MUC5B: variants seen among roughly 807,000 people sequenced by gnomAD.
The protein encoded by MUC5B is mucin-5B.
In MUC5B, 116 loss-of-function variants were observed where a neutral mutation model predicts 376.9. That is an observed-to-expected ratio of 0.31 (90% CI 0.26 to 0.36). MUC5B has a LOEUF of 0.36. Ranked by LOEUF, MUC5B falls within the 10% of genes least tolerant of loss-of-function variation. The pLI, the probability that MUC5B is intolerant of heterozygous loss-of-function variation, is 1.00. For missense variants in MUC5B, 7,165 were observed against 7,769.9 expected, an observed-to-expected ratio of 0.92 and a Z score of 2.93; for synonymous variants, 3,517 against 3,390.9, an observed-to-expected ratio of 1.04 and a Z score of -1.29.
rs368492454 is a variant in MUC5B at position 1,247,048 on chromosome 11, C to T, written c.10168C>T (p.Leu3390=). 59 of 1,555,254 alleles carry T rather than the reference C, an allele frequency of 3.8e-5. No individual in the cohort carries two copies. The highest frequency in any genetic ancestry group is 5.2e-6 in the Non-Finnish European group (6 of 1,149,298). ...ACAGACCAGTGGTACTCCCCCATCA[C>T]TGACCACCACGGCCACTACGATCAC... ...STQTSGTPPS[L]TTTATTITAT... The change falls in exon 31 of 49, where the codon CTG becomes TTG. Residue 3390 remains leucine (L), a synonymous_variant. Coordinates refer to ENST00000529681, the MANE Select transcript of MUC5B (RefSeq NM_002458.3).
At position 1,246,011 on chromosome 11, in the gene MUC5B, G is replaced by T. The variant is rs1259291966; in HGVS notation, c.9131G>T (p.Ser3044Ile). Residue 3044 changes from serine to isoleucine, a missense_variant, in exon 31 of 49, where the codon AGT becomes ATT. By Grantham distance (142) the Ser-to-Ile change is moderately radical (BLOSUM62 -2). Coordinates refer to ENST00000529681, the MANE Select transcript of MUC5B (RefSeq NM_002458.3). ...AGTTCCAAAGCCACTTCCTCCTCCA[G>T]TCCAAGGACTGCAACCACCCTTCCA... The part of the protein sequence containing the change: ...ATSSKATSSS[S>I]PRTATTLPVL... 20 of 1,611,530 alleles carry T rather than the reference G, an allele frequency of 1.2e-5. No homozygotes were observed. The highest frequency in any genetic ancestry group is 3.3e-5 in the Admixed American group (2 of 59,788).
In MUC5B at chr11:1,253,071, CACAGTGGGGTGCAGTGGGGA is replaced by C; in HGVS notation, c.15217+93_15217+112del. The C allele has an allele frequency of 7.5e-7, 1 of 1,328,704 alleles. No individual in the cohort carries two copies. The highest frequency in any genetic ancestry group is 1.0e-6 in the Non-Finnish European group (1 of 968,184). The allele number at this position is 1,328,704 out of a possible 1,614,324, so 82.3% of individuals were successfully genotyped here. A position where few individuals can be genotyped will look rare whatever the true frequency, so the allele number is the denominator to read the frequency against. ...GCTGGCAGAATGGGGCATGGTGGGG[CACAGTGGGGTGCAGTGGGGA>C]ATGGTGGGGCATGGTGGGGCATGGT... On this transcript the variant is annotated intron_variant, in intron 33 of 48. Coordinates refer to ENST00000529681, the MANE Select transcript of MUC5B (RefSeq NM_002458.3). The surrounding 1 kb of genome is among the most constrained non-coding windows in gnomAD (Gnocchi z 4.3).
chr11:1,228,525 A>T lies in MUC5B; in HGVS notation c.775-39A>T, dbSNP rs764342459. 5.4e-6 allele frequency: 8 copies of T among 1,475,526 alleles called. No individual in the cohort carries two copies. In the South Asian group the frequency reaches 7.8e-5, roughly 14 times the overall value. The allele number at this position is 1,475,526 out of a possible 1,614,324, so 91.4% of individuals were successfully genotyped here. A position where few individuals can be genotyped will look rare whatever the true frequency, so the allele number is the denominator to read the frequency against. The stretch of plus-strand genomic sequence containing the variant: ...TCCAGCACCGTGGCAGCCCCCATGG[A>T]TGGCAGGGGTGCCCAGCCTGGCCCA... On this transcript the variant is annotated intron_variant, in intron 7 of 48. Coordinates refer to ENST00000529681, the MANE Select transcript of MUC5B (RefSeq NM_002458.3).
In MUC5B at chr11:1,241,921, A is replaced by G. The variant is rs372963254; in HGVS notation, c.5041A>G (p.Thr1681Ala). Residue 1681 changes from threonine (T) to alanine (A), a missense_variant, in exon 31 of 49, where the codon ACA (threonine) becomes GCA (alanine). By Grantham distance (58) the Thr-to-Ala change is moderately conservative. Transcript: ENST00000529681. ...TGGPTTPAGS[T>A]EPTVPGVATS... is the part of the protein sequence containing the mutation. Reference sequence around the variant, plus strand: ...AGGCCCCACGACGCCTGCAGGCTCCACAGAACCCACTGTCCCAGGGGTGGC... The same window carrying G: ...AGGCCCCACGACGCCTGCAGGCTCCGCAGAACCCACTGTCCCAGGGGTGGC... The G allele has an allele frequency of 2.1e-5, 33 of 1,609,628 alleles. No homozygotes were observed. In the African/African-American group the frequency reaches 2.8e-4, roughly 14 times the overall value.
chr11:1,259,581 C>T, intron 44 of MUC5B, 175 bp from the exon 45 acceptor site: 2 of 632,468 alleles, frequency 3.2e-6, no homozygotes, highest in Non-Finnish European at 5.5e-6. Flanking sequence ...GTGCTGGAAA[C>T]TGGGGTGAGG....
At chr11:1,227,423 C>A in intron 6 of MUC5B, 25 bp downstream of exon 6, 2 of 1,559,622 alleles carry the variant, frequency 1.3e-6, no homozygotes, top group Non-Finnish European at 8.8e-7. Context: ...GGTGAGGGGG[C>A]GGTGACCAAT....
intron 18 of MUC5B, 126 bp from the exon 19 acceptor site, chr11:1,233,667 C>CGTCT: frequency 1.1e-6 from 1 of 883,478 alleles, no homozygotes. Flanking sequence ...CAGCAGGCAC[C>CGTCT]GTCTGGCCTT....
At chr11:1,223,618 G>T (rs927926875) in intron 1 of MUC5B, among the ~76,000 whole-genome samples, 2 of 152,144 alleles carry the variant, frequency 1.3e-5, no homozygotes, top group African/African-American at 4.8e-5. Context: ...TACCCTTCAC[G>T]ACCTCCCTGG....
At chr11:1,224,439 A>G in intron 1 of MUC5B, among the ~76,000 whole-genome samples, 1 of 138,220 alleles carries the variant, frequency 7.2e-6, no homozygotes, top group East Asian at 2.4e-4. Context: ...AACCAAGGGC[A>G]GTCAGCCTGG....
In MUC5B at chr11:1,242,108, C is replaced by T. The variant is rs372252009; in HGVS notation, c.5228C>T (p.Thr1743Met). The T allele has an allele frequency of 3.4e-4, 544 of 1,613,212 alleles. 3 individuals are homozygous for T. The South Asian group carries it at 5.0e-3, about 15-fold the overall frequency. Reference sequence around the variant, plus strand: ...ACCGCTTCCAAAGAGCCGCTGACCACGAGCCTGGCGCCAACACTCACGAGC... The same window carrying T: ...ACCGCTTCCAAAGAGCCGCTGACCATGAGCCTGGCGCCAACACTCACGAGC... ...ASTASKEPLT[T>M]SLAPTLTSEL... The change falls in exon 31 of 49, where the codon ACG becomes ATG. Residue 1743 changes from threonine to methionine, a missense_variant. Physicochemically the swap from Thr to Met is moderately conservative, Grantham distance 81. Around this residue, in one of 31 missense-constraint regions of MUC5B, gnomAD observed 897 missense variants for 779.6 expected, o/e 1.15. Transcript: ENST00000529681.
At chr11:1,237,536 G>C (rs1269668397) in intron 25 of MUC5B, among the ~76,000 whole-genome samples, 1 of 152,196 alleles carries the variant, frequency 6.6e-6, no homozygotes, top group Non-Finnish European at 1.5e-5. Context: ...CGCTCAGCCA[G>C]GGAGGAATCA....
rs371989419 is a variant in MUC5B, at chr11:1,237,663, A to G, written c.3297+499A>G. Reference sequence around the variant, plus strand: ...GGCAGGTGGATCACCTGAGGTCAGGAGTTTGAGACCAGCCTGGTCAACATG... The same window carrying G: ...GGCAGGTGGATCACCTGAGGTCAGGGGTTTGAGACCAGCCTGGTCAACATG... On this transcript the variant is annotated intron_variant, in intron 25 of 48. Coordinates refer to ENST00000529681, the MANE Select transcript of MUC5B (RefSeq NM_002458.3). 4.5e-4 allele frequency among the ~76,000 whole-genome samples: 69 copies of G among 152,312 alleles called. 2 individuals are homozygous for G. In the South Asian group the frequency reaches 0.014, roughly 31 times the overall value.
chr11:1,225,759 TG>T (rs1386544744), intron 2 of MUC5B, 22 bp downstream of exon 2: 3 of 1,564,530 alleles, frequency 1.9e-6, no homozygotes, highest in Non-Finnish European at 1.7e-6. Context: ...GGTTCGGGGG[TG>T]GGGGGTTCCT....
In MUC5B at chr11:1,241,165, T is replaced by C. The variant is rs1345655410; in HGVS notation, c.4285T>C (p.Tyr1429His). The C allele has an allele frequency of 1.9e-6, 3 of 1,603,428 alleles. No individual in the cohort carries two copies. In the East Asian group the frequency reaches 6.8e-5, roughly 36 times the overall value. ...CGAGCTGCGGGTTCTCTGCTGCGAA[T>C]ACGTGCCCTGTGGCCCCTCCCCGGC... Reference protein sequence around the residue: ...DYELRVLCCEYVPCGPSPAPG... With the variant: ...DYELRVLCCEHVPCGPSPAPG... Residue 1429 changes from tyrosine to histidine, a missense_variant, in exon 31 of 49, where the codon TAC (tyrosine) becomes CAC (histidine). Coordinates refer to ENST00000529681, the MANE Select transcript of MUC5B (RefSeq NM_002458.3).
In MUC5B at chr11:1,250,462, T is replaced by G; in HGVS notation, c.13582T>G (p.Ser4528Ala). Residue 4528 changes from serine (S) to alanine (A), a missense_variant, in exon 31 of 49, where the codon TCC becomes GCC. Ser to Ala is a moderately conservative substitution (Grantham distance 99). Around this residue, in one of 31 missense-constraint regions of MUC5B, gnomAD observed 431 missense variants for 390.4 expected, o/e 1.10. Transcript: ENST00000529681. ...TACCAGCTTTACAGCCATCCCCTCCTCCTCCCTGGGCACCACCTGGACCCG... is the reference window on the plus strand; with the variant it reads ...TACCAGCTTTACAGCCATCCCCTCCGCCTCCCTGGGCACCACCTGGACCCG... ...TATSFTAIPS[S>A]SLGTTWTRLS... 2 of 1,587,420 alleles carry G rather than the reference T, an allele frequency of 1.3e-6. No individual in the cohort carries two copies. Among genetic ancestry groups the G allele is most frequent in the Non-Finnish European group, 1.7e-6 (2 of 1,161,824 alleles).
intron 31 of MUC5B, 91 bp downstream of exon 31, chr11:1,251,834 C>T (rs1314891861): frequency 2.1e-6 from 2 of 946,308 alleles, no homozygotes; most frequent in Admixed American, 5.0e-5. Flanking sequence ...GGCTTTCTCC[C>T]TGCTGGTCAT....
At position 1,252,510 on chromosome 11, in the gene MUC5B, A is replaced by G; in HGVS notation, c.15031A>G (p.Ile5011Val). Residue 5011 changes from isoleucine to valine, a missense_variant, in exon 32 of 49, where the codon ATC becomes GTC. This residue lies in a region of MUC5B where 842 missense variants were observed against 1,016.9 expected (regional missense o/e 0.83). Transcript: ENST00000529681. ...CCCTGCCCCTGGCTGTGACAATGCC[A>G]TCCCTCTCCGGCAGGTGGGCCCCGC... ...PSPAPGCDNA[I>V]PLRQVNETWT... is the part of the protein sequence containing the mutation. The G allele has an allele frequency of 6.4e-7, 1 of 1,557,510 alleles. No homozygotes were observed. Among genetic ancestry groups the G allele is most frequent in the Non-Finnish European group, 8.7e-7 (1 of 1,151,166 alleles).
At chr11:1,233,941 C>G in intron 19 of MUC5B, 93 bp downstream of exon 19, 1 of 1,318,882 alleles carries the variant, frequency 7.6e-7, no homozygotes, top group South Asian at 1.3e-5. Flanking sequence ...CCCACCCCAC[C>G]TGAACCCTGC....
At position 1,226,259 on chromosome 11, in the gene MUC5B, T is replaced by C; in HGVS notation, c.182T>C (p.Val61Ala). 1.3e-6 allele frequency: 2 copies of C among 1,556,530 alleles called. No individual in the cohort carries two copies. The highest frequency in any genetic ancestry group is 1.2e-5 in the South Asian group (1 of 84,306). The stretch of plus-strand genomic sequence containing the variant: ...GTGAGCTTTGTTCCACCCGTCACTG[T>C]CTTCCCCAGCCTGAGCCGTAAGCAG... ...RRVSFVPPVT[V>A]FPSLSPLNPA... Residue 61 changes from valine to alanine, a missense_variant, in exon 3 of 49, where the codon GTC (valine) becomes GCC (alanine). This residue lies in a region of MUC5B where 640 missense variants were observed against 733.0 expected (regional missense o/e 0.87). Coordinates refer to ENST00000529681, the MANE Select transcript of MUC5B (RefSeq NM_002458.3).
Sources: gnomAD v4.1 joint callset for allele counts (sites outside exome capture counted in the v4.1 genomes callset) on GRCh38, gnomAD v4.1.1 for gene constraint, gnomAD v4.1.1 regional missense constraint, Gnocchi (gnomAD v3.1) non-coding constraint, MANE v1.5 for transcripts, NCBI Gene and HGNC (gene_info 2026-07-23, HGNC 2026-07-21) for gene names.